The following ADAMTS3 variants were observed in gnomAD, a reference collection of about 807,000 sequenced individuals.
The protein encoded by ADAMTS3 is A disintegrin and metalloproteinase with thrombospondin motifs 3.
In ADAMTS3, 73 loss-of-function variants were observed where a neutral mutation model predicts 129.0. The ratio of observed to expected loss-of-function variants is 0.57; its 90% CI spans 0.47 to 0.69. The LOEUF is 0.69. Among genes scored for constraint, ADAMTS3 ranks in the 30% least tolerant of loss-of-function variants. ADAMTS3 has a pLI of 0.00. For synonymous variants in ADAMTS3, 477 were observed against 510.8 expected (o/e 0.93, Z 0.89); for missense variants, 1,457 against 1,514.5 (o/e 0.96, Z 0.63).
intron 3 of ADAMTS3, among the ~76,000 whole-genome samples, chr4:72,500,219 C>A (rs1275916799): frequency 6.6e-6 from 1 of 152,130 alleles, no homozygotes; most frequent in Non-Finnish European, 1.5e-5. Flanking sequence ...AGTGGCTGGA[C>A]AAATTTGCAT....
chr4:72,530,612 T>A lies in ADAMTS3; in HGVS notation c.504+17866A>T, dbSNP rs1468076878. Reference sequence around the variant, plus strand: ...TATATATTAATATTAAAATATATATTATATAATATATATTATTATATAATA... The same window carrying A: ...TATATATTAATATTAAAATATATATAATATAATATATATTATTATATAATA... On this transcript the variant is annotated intron_variant, in intron 3 of 21. Transcript: ENST00000286657. Among the ~76,000 whole-genome samples the A allele has an allele frequency of 2.5e-3, 216 of 86,484 alleles. 1 individual carries two copies. Among genetic ancestry groups the A allele is most frequent in the African/African-American group, 0.01 (214 of 21,140 alleles). 56.7% of individuals were successfully genotyped at this position (86,484 alleles called of 152,430 possible).
At chr4:72,531,273 T>C (rs919192395) in intron 3 of ADAMTS3, among the ~76,000 whole-genome samples, 9 of 152,160 alleles carry the variant, frequency 5.9e-5, no homozygotes, top group Non-Finnish European at 1.3e-4. Context: ...ATCTAGGTTT[T>C]TGGCCTGAGA....
chr4:72,457,204 C>G (rs546283526), intron 3 of ADAMTS3, among the ~76,000 whole-genome samples: 1 of 151,586 alleles, frequency 6.6e-6, no homozygotes, highest in Non-Finnish European at 1.5e-5. Context: ...TATCAGGTTC[C>G]GTTTGCTTAT....
At position 72,303,884 on chromosome 4, in the gene ADAMTS3, C is replaced by T. The variant is rs774537639; in HGVS notation, c.2424+33G>A. On this transcript the variant is annotated intron_variant, in intron 17 of 21. Transcript: ENST00000286657. ...TAAATTAATTATAAAGTAAGCTGAG[C>T]TAACTATACCATGAGCCCATAATGC... 5 of 1,605,406 alleles carry T rather than the reference C, an allele frequency of 3.1e-6. No individual in the cohort carries two copies. In the African/African-American group the frequency reaches 5.4e-5, roughly 17 times the overall value.
rs1330915557 is a variant in ADAMTS3, at chr4:72,308,064, A to G, written c.2179+1333T>C. On this transcript the variant is annotated intron_variant, in intron 15 of 21. Transcript: ENST00000286657. ...TCACTGTGGAAATAAAACAAAATGA[A>G]TTATTTTACATCCAAAAGAAAAGAA... Among the ~76,000 whole-genome samples, 4 of 151,954 alleles carry G rather than the reference A, an allele frequency of 2.6e-5. No individual in the cohort carries two copies. The South Asian group carries it at 6.2e-4, about 24-fold the overall frequency.
At chr4:72,537,514 G>A (rs1721211642) in intron 3 of ADAMTS3, among the ~76,000 whole-genome samples, 1 of 152,014 alleles carries the variant, frequency 6.6e-6, no homozygotes, top group African/African-American at 2.4e-5. Flanking sequence ...GCATGCCCAG[G>A]GAAAGGCACA....
chr4:72,568,898 G>A lies in ADAMTS3; in HGVS notation c.-136C>T, dbSNP rs1042094988. 1 of 670,866 alleles carries A rather than the reference G, an allele frequency of 1.5e-6. No homozygotes were observed. The highest frequency in any genetic ancestry group is 2.5e-6 in the Non-Finnish European group (1 of 393,994). The allele number at this position is 670,866 out of a possible 1,614,324, so 41.6% of individuals were successfully genotyped here. ...GCGAAATAGAAAAAAATGATCTTCT[G>A]TGCTTTGCTTCAATGAAAATGAAAT... On this transcript the variant is annotated 5_prime_UTR_variant, in exon 1 of 22. Coordinates refer to ENST00000286657, the MANE Select transcript of ADAMTS3 (RefSeq NM_014243.3).
In ADAMTS3 at chr4:72,290,862, C is replaced by A; in HGVS notation, c.2924G>T (p.Trp975Leu). 1 of 1,613,794 alleles carries A rather than the reference C, an allele frequency of 6.2e-7. No individual in the cohort carries two copies. Among genetic ancestry groups the A allele is most frequent in the Non-Finnish European group, 8.5e-7 (1 of 1,179,846 alleles). The change falls in exon 20 of 22, where the codon TGG becomes TTG. Residue 975 changes from tryptophan to leucine, a missense_variant. Coordinates refer to ENST00000286657, the MANE Select transcript of ADAMTS3 (RefSeq NM_014243.3). ...CGGAATTCACACACCTACCTCACTC[C>A]AGGGTCCTGTTTTCCACTGTGCAGG... ...PCPAQWKTGP[W>L]SECSVTCGEG...
rs1720623564 is a variant in ADAMTS3 at position 72,357,920 on chromosome 4, T to A, written c.662-18227A>T. 2.0e-5 allele frequency among the ~76,000 whole-genome samples: 3 copies of A among 151,920 alleles called. No individual in the cohort carries two copies. In the South Asian group the frequency reaches 6.2e-4, roughly 31 times the overall value. ...GATAGAAATATGACTTTGTAGAACA[T>A]CCAAAAAAATTCCAGAAAGACATTA... is the stretch of plus-strand genomic sequence containing the variant. On this transcript the variant is annotated intron_variant, in intron 4 of 21. Coordinates refer to ENST00000286657, the MANE Select transcript of ADAMTS3 (RefSeq NM_014243.3).
chr4:72,398,588 A>C lies in ADAMTS3; in HGVS notation c.661+16227T>G, dbSNP rs115157603. ...AGACTCCATCTAAAATAAATAAATA[A>C]ATACATACATACATAAATAAAAGTA... is the stretch of plus-strand genomic sequence containing the variant. On this transcript the variant is annotated intron_variant, in intron 4 of 21. Transcript: ENST00000286657. 5.3e-3 allele frequency among the ~76,000 whole-genome samples: 804 copies of C among 152,144 alleles called. 7 individuals carry two copies. The highest frequency in any genetic ancestry group is 0.018 in the African/African-American group (747 of 41,498).
chr4:72,342,224 T>A (rs754042000), intron 4 of ADAMTS3, among the ~76,000 whole-genome samples: 2 of 152,162 alleles, frequency 1.3e-5, no homozygotes, highest in African/African-American at 4.8e-5. Context: ...ACAACTAAAC[T>A]GCCTTTGTAA....
intron 3 of ADAMTS3, among the ~76,000 whole-genome samples, chr4:72,490,122 G>A (rs1343177984): frequency 6.6e-6 from 1 of 151,838 alleles, no homozygotes; most frequent in Non-Finnish European, 1.5e-5. Context: ...GTGATGTGGA[G>A]CACTTTTTCA....
chr4:72,480,565 G>T (rs1719404876), intron 3 of ADAMTS3, among the ~76,000 whole-genome samples: 1 of 151,844 alleles, frequency 6.6e-6, no homozygotes, highest in Non-Finnish European at 1.5e-5. Flanking sequence ...GGACGGGGGA[G>T]GGATAGCATT....
intron 3 of ADAMTS3, among the ~76,000 whole-genome samples, chr4:72,528,579 A>T (rs1720876981): frequency 6.6e-6 from 1 of 151,860 alleles, no homozygotes; most frequent in South Asian, 2.1e-4. Context: ...ACGTGAAAGT[A>T]GATGAGATGG....
chr4:72,467,475 C>T (rs907673880), intron 3 of ADAMTS3, among the ~76,000 whole-genome samples: 7 of 152,040 alleles, frequency 4.6e-5, no homozygotes, highest in Admixed American at 4.6e-4. Context: ...TGTTAATATA[C>T]ATTCAAGAGA....
At chr4:72,386,880 A>T (rs1329045854) in intron 4 of ADAMTS3, among the ~76,000 whole-genome samples, 1 of 152,228 alleles carries the variant, frequency 6.6e-6, no homozygotes, top group Non-Finnish European at 1.5e-5. Context: ...ATGGTAAACT[A>T]GCATTTTTTT....
intron 4 of ADAMTS3, among the ~76,000 whole-genome samples, chr4:72,405,447 T>C (rs919138274): frequency 1.3e-5 from 2 of 152,116 alleles, no homozygotes; most frequent in African/African-American, 4.8e-5. Flanking sequence ...ATTCAAGTAA[T>C]ATTTAAAAAA....
At chr4:72,344,619 T>A (rs1720230532) in intron 4 of ADAMTS3, among the ~76,000 whole-genome samples, 1 of 152,134 alleles carries the variant, frequency 6.6e-6, no homozygotes, top group Admixed American at 6.6e-5. Context: ...TAAGCAGAAG[T>A]ATTGCTTATA....
intron 3 of ADAMTS3, among the ~76,000 whole-genome samples, chr4:72,463,465 G>T (rs533797725): frequency 1.3e-5 from 2 of 151,890 alleles, no homozygotes; most frequent in African/African-American, 4.8e-5. Context: ...TGAAAGAAAA[G>T]ATTATATCTA....
Sources: allele counts gnomAD v4.1 joint callset (sites outside exome capture counted in the v4.1 genomes callset), GRCh38; gene constraint gnomAD v4.1.1; transcripts MANE v1.5; gene names NCBI Gene and HGNC (gene_info 2026-07-23, HGNC 2026-07-21).